NFIB: variants seen among roughly 807,000 people sequenced by gnomAD.
The protein encoded by NFIB is nuclear factor I B.
NFIB carries 11 observed loss-of-function variants against 61.5 expected under a neutral mutation model. That is an observed-to-expected ratio of 0.18 (90% CI 0.11 to 0.30). The LOEUF (loss-of-function observed/expected upper bound fraction) is 0.30. Ranked by LOEUF, NFIB falls within the 10% of genes least tolerant of loss-of-function variation. The pLI is 1.00. For missense variants in NFIB, 471 were observed against 608.9 expected (o/e 0.77, Z 2.38); for synonymous variants, 260 against 216.5 (o/e 1.20, Z -1.76).
chr9:14,401,669 A>G (rs2061744488), upstream of NFIB, among the ~76,000 whole-genome samples: 1 of 152,172 alleles, frequency 6.6e-6, no homozygotes, highest in South Asian at 2.1e-4. Flanking sequence ...TTAATTAGAA[A>G]CACTAGTTTT....
chr9:14,476,260 T>TC, the NFIB span, among the ~76,000 whole-genome samples: 1 of 151,784 alleles, frequency 6.6e-6, no homozygotes, highest in Non-Finnish European at 1.5e-5. Flanking sequence ...TTTTTTTTTT[T>TC]CACCTGGGAA....
rs912755719 is a variant in NFIB at position 14,084,374 on chromosome 9, C to T, written c.*3935G>A. Reference sequence around the variant, plus strand: ...TAGGCGGTTCATTAAGAAGACCTTTCGCTCTTCTCGCTACTTGCAGCTTCA... The same window carrying T: ...TAGGCGGTTCATTAAGAAGACCTTTTGCTCTTCTCGCTACTTGCAGCTTCA... On this transcript the variant is annotated 3_prime_UTR_variant, in exon 11 of 11. Coordinates refer to ENST00000380953, the MANE Select transcript of NFIB (RefSeq NM_001190737.2). The T allele has an allele frequency of 5.9e-5, 13 of 221,612 alleles. No homozygotes were observed. The highest frequency in any genetic ancestry group is 1.7e-4 in the Admixed American group (3 of 17,364). 13.7% of individuals were successfully genotyped at this position (221,612 alleles called of 1,614,324 possible).
chr9:14,365,189 G>T (rs957501890), intron 1 of NFIB, among the ~76,000 whole-genome samples: 2 of 152,200 alleles, frequency 1.3e-5, no homozygotes, highest in African/African-American at 4.8e-5. Flanking sequence ...ACAGAATTCT[G>T]CTGCTAAAAA....
At chr9:14,213,155 G>A (rs779766826) in intron 2 of NFIB, among the ~76,000 whole-genome samples, 2 of 152,170 alleles carry the variant, frequency 1.3e-5, no homozygotes, top group Non-Finnish European at 2.9e-5. Context: ...AAAATGCTAT[G>A]ATAATCTTCT....
In NFIB at chr9:14,088,343, G is replaced by C; in HGVS notation, c.1468-17C>G. Reference sequence around the variant, plus strand: ...GTACCAGGACTGTTGAGAGGAGAGAGGCAGCAGGGAGGGAAGAAAAAAGAA... The same window carrying C: ...GTACCAGGACTGTTGAGAGGAGAGACGCAGCAGGGAGGGAAGAAAAAAGAA... On this transcript the variant is annotated splice_polypyrimidine_tract_variant and intron_variant, in intron 10 of 10. Coordinates refer to ENST00000380953, the MANE Select transcript of NFIB (RefSeq NM_001190737.2). 1 of 1,501,398 alleles carries C rather than the reference G, an allele frequency of 6.7e-7. No individual in the cohort carries two copies. 93.0% of individuals were successfully genotyped at this position (1,501,398 alleles called of 1,614,324 possible).
At chr9:14,480,055 G>A in the NFIB span, among the ~76,000 whole-genome samples, 1 of 151,472 alleles carries the variant, frequency 6.6e-6, no homozygotes, top group South Asian at 2.1e-4. Flanking sequence ...TTTGTTTTTT[G>A]TTTTTTTTAA....
At chr9:14,294,912 G>A (rs542127238) in intron 2 of NFIB, among the ~76,000 whole-genome samples, 14 of 152,298 alleles carry the variant, frequency 9.2e-5, no homozygotes, top group Non-Finnish European at 1.8e-4. Flanking sequence ...GTGCAGTTCA[G>A]TGGCCGTAGG....
At chr9:14,236,920 C>G (rs2053803436) in intron 2 of NFIB, among the ~76,000 whole-genome samples, 1 of 151,806 alleles carries the variant, frequency 6.6e-6, no homozygotes, top group African/African-American at 2.4e-5. Flanking sequence ...GCATTTGTCC[C>G]TAAGTTCTTT....
At chr9:14,173,299 G>C (rs1223998726) in intron 3 of NFIB, among the ~76,000 whole-genome samples, 2 of 152,086 alleles carry the variant, frequency 1.3e-5, no homozygotes, top group Non-Finnish European at 2.9e-5. Context: ...TAATTCCAAA[G>C]TTCATGCTCT....
At chr9:14,440,245 C>G in the NFIB span, among the ~76,000 whole-genome samples, 1 of 152,164 alleles carries the variant, frequency 6.6e-6, no homozygotes, top group Admixed American at 6.5e-5. Flanking sequence ...CTCCCACATG[C>G]TTCACCTTAG....
the NFIB span, among the ~76,000 whole-genome samples, chr9:14,484,160 T>TA: frequency 1.3e-5 from 2 of 152,188 alleles, no homozygotes; most frequent in African/African-American, 2.4e-5. Context: ...TTAATTCACT[T>TA]AAAAAATGTA....
At chr9:14,127,216 T>C (rs2039777022) in intron 6 of NFIB, among the ~76,000 whole-genome samples, 1 of 152,220 alleles carries the variant, frequency 6.6e-6, no homozygotes, top group African/African-American at 2.4e-5. Context: ...CCATGCAGTT[T>C]GTTGGAATAA....
At chr9:14,469,879 G>A in the NFIB span, among the ~76,000 whole-genome samples, 7 of 152,168 alleles carry the variant, frequency 4.6e-5, no homozygotes, top group East Asian at 5.8e-4. Flanking sequence ...GTGTCTAGGT[G>A]ACTTTTTAAT....
intron 6 of NFIB, among the ~76,000 whole-genome samples, chr9:14,135,437 T>G (rs374477098): frequency 6.6e-6 from 1 of 152,186 alleles, no homozygotes; most frequent in African/African-American, 2.4e-5. Context: ...CAATGTCTTT[T>G]GAAAATACAG....
intron 2 of NFIB, among the ~76,000 whole-genome samples, chr9:14,245,766 G>C (rs890980587): frequency 6.6e-6 from 1 of 152,046 alleles, no homozygotes; most frequent in African/African-American, 2.4e-5. Context: ...CCAGCTACTT[G>C]GGAGGCTGAG....
chr9:14,516,599 G>A, the NFIB span, among the ~76,000 whole-genome samples: 5 of 152,242 alleles, frequency 3.3e-5, no homozygotes, highest in East Asian at 7.7e-4. Flanking sequence ...CATATGCCCG[G>A]TCCTTAATCT....
intron 2 of NFIB, among the ~76,000 whole-genome samples, chr9:14,247,056 C>T (rs932247805): frequency 2.0e-5 from 3 of 152,052 alleles, no homozygotes; most frequent in East Asian, 1.9e-4. Flanking sequence ...CTGCAAACCA[C>T]GAAGAGAGCC....
chr9:14,343,843 A>G (rs1178772337), intron 1 of NFIB, among the ~76,000 whole-genome samples: 1 of 150,188 alleles, frequency 6.7e-6, no homozygotes, highest in East Asian at 2.0e-4. Context: ...CGGGGGGGGA[A>G]GTGTGCCAGA....
chr9:14,234,085 A>C (rs759026471), intron 2 of NFIB, among the ~76,000 whole-genome samples: 4 of 152,176 alleles, frequency 2.6e-5, no homozygotes, highest in African/African-American at 4.8e-5. Flanking sequence ...ACTCTTGGAA[A>C]ATCCAGGATT....
Sources: gnomAD v4.1 joint callset for allele counts (sites outside exome capture counted in the v4.1 genomes callset) on GRCh38, gnomAD v4.1.1 for gene constraint, MANE v1.5 for transcripts, NCBI Gene and HGNC (gene_info 2026-07-23, HGNC 2026-07-21) for gene names.